The following GRID1 variants were observed in gnomAD, a reference collection of about 807,000 sequenced individuals.
GRID1 encodes glutamate ionotropic receptor delta type subunit 1.
Under a neutral mutation model 98.0 loss-of-function variants are expected in GRID1, and 28 were observed. The observed-to-expected ratio is 0.29, with a 90% CI of 0.21 to 0.39. The LOEUF is 0.39. GRID1 is among the 10% of genes least tolerant of loss of function. GRID1 has a pLI of 1.00. For synonymous variants in GRID1, 553 were observed against 538.5 expected, an observed-to-expected ratio of 1.03 and a Z score of -0.37; for missense variants, 1,111 against 1,340.5, an observed-to-expected ratio of 0.83 and a Z score of 2.67.
chr10:86,125,991 G>T (rs995426872), intron 4 of GRID1, among the ~76,000 whole-genome samples: 4 of 152,154 alleles, frequency 2.6e-5, no homozygotes, highest in Admixed American at 6.5e-5. Flanking sequence ...GGAGTCAAAA[G>T]TTATACACAG....
intron 8 of GRID1, among the ~76,000 whole-genome samples, chr10:85,773,379 CA>C (rs1268521864): frequency 6.6e-6 from 1 of 152,186 alleles, no homozygotes; most frequent in Non-Finnish European, 1.5e-5. Context: ...ACTGAATGGG[CA>C]AAAACTGGAA....
intron 12 of GRID1, among the ~76,000 whole-genome samples, chr10:85,653,594 C>T (rs1840856028): frequency 6.6e-6 from 1 of 152,152 alleles, no homozygotes; most frequent in South Asian, 2.1e-4. Flanking sequence ...ACTGTCTCCG[C>T]CAAAACTCAT....
chr10:85,740,759 T>C (rs1841934677), intron 8 of GRID1, among the ~76,000 whole-genome samples: 1 of 95,596 alleles, frequency 1.0e-5, no homozygotes, highest in Admixed American at 9.9e-5. Flanking sequence ...CACTGTACTT[T>C]TTTTTTTTTT....
chr10:86,068,100 A>G (rs1356230642), intron 4 of GRID1, among the ~76,000 whole-genome samples: 1 of 152,184 alleles, frequency 6.6e-6, no homozygotes. Context: ...AACGTTCCTC[A>G]GCAAACTTGT....
At chr10:85,656,396 T>G (rs1403421528) in intron 12 of GRID1, among the ~76,000 whole-genome samples, 2 of 152,212 alleles carry the variant, frequency 1.3e-5, no homozygotes, top group Non-Finnish European at 1.5e-5. Context: ...ATCCCTGGGT[T>G]GCAGGACTTT....
chr10:85,722,569 T>C (rs906790117), intron 12 of GRID1, among the ~76,000 whole-genome samples: 1 of 152,184 alleles, frequency 6.6e-6, no homozygotes, highest in African/African-American at 2.4e-5. Flanking sequence ...GCATGAAATA[T>C]GTTTTCTACT....
intron 4 of GRID1, among the ~76,000 whole-genome samples, chr10:86,046,861 CAAAAAAAA>C (rs199526669): frequency 7.4e-5 from 8 of 107,660 alleles, no homozygotes; most frequent in South Asian, 3.1e-4. Context: ...AAGCCCATTT[CAAAAAAAA>C]AAAAAAAAAA....
chr10:85,982,992 C>T (rs1431327580), intron 4 of GRID1, among the ~76,000 whole-genome samples: 1 of 152,238 alleles, frequency 6.6e-6, no homozygotes, highest in Non-Finnish European at 1.5e-5. Context: ...ACCTACATGG[C>T]ATTTCCTCTC....
chr10:86,181,423 A>T (rs1373293795), intron 3 of GRID1, among the ~76,000 whole-genome samples: 1 of 152,098 alleles, frequency 6.6e-6, no homozygotes, highest in Non-Finnish European at 1.5e-5. Flanking sequence ...ACTAACATGA[A>T]CCCAGAGAGG....
rs945779280 is a variant in GRID1, at chr10:85,648,247, G to C, written c.1998-850C>G. Among the ~76,000 whole-genome samples, 25 of 152,122 alleles carry C rather than the reference G, an allele frequency of 1.6e-4. 1 individual carries two copies. Among genetic ancestry groups the C allele is most frequent in the Non-Finnish European group, 3.5e-4 (24 of 68,028 alleles). On this transcript the variant is annotated intron_variant, in intron 12 of 15. Transcript: ENST00000327946. The stretch of plus-strand genomic sequence containing the variant: ...GCCCAAGAGCAGACTTCTGAGCTAG[G>C]GGCAGAGGAGGAGACTCCTCTGGGG...
At chr10:85,964,829 G>A (rs983207195) in intron 4 of GRID1, among the ~76,000 whole-genome samples, 1 of 152,056 alleles carries the variant, frequency 6.6e-6, no homozygotes. Flanking sequence ...CACAGCAAAA[G>A]AAACTATCAT....
At chr10:85,902,636 G>A (rs1021386240) in intron 5 of GRID1, among the ~76,000 whole-genome samples, 4 of 152,300 alleles carry the variant, frequency 2.6e-5, no homozygotes, top group African/African-American at 7.2e-5. Context: ...GGGGGGAGCC[G>A]TGTGGCATCG....
chr10:86,268,004 C>A (rs772993871), intron 2 of GRID1, among the ~76,000 whole-genome samples: 8 of 152,230 alleles, frequency 5.3e-5, no homozygotes, highest in Non-Finnish European at 1.2e-4. Context: ...CAGCCCGGTG[C>A]TCGCCTGTGT....
chr10:85,924,223 G>C (rs1467210589), intron 4 of GRID1, among the ~76,000 whole-genome samples: 2 of 152,214 alleles, frequency 1.3e-5, no homozygotes, highest in African/African-American at 4.8e-5. Context: ...CCTTTGCTTT[G>C]CATGGTGCAT....
At chr10:86,234,195 C>A (rs890105465) in intron 2 of GRID1, among the ~76,000 whole-genome samples, 3 of 152,202 alleles carry the variant, frequency 2.0e-5, no homozygotes, top group African/African-American at 7.2e-5. Context: ...CTCCATCCCC[C>A]TTTTCCTTCC....
chr10:86,138,778 TG>T, intron 4 of GRID1, 40 bp downstream of exon 4: 1 of 1,524,624 alleles, frequency 6.6e-7, no homozygotes, highest in African/African-American at 1.4e-5. Flanking sequence ...TGCAGAGCCC[TG>T]GGCACCAGGC....
At chr10:86,167,383 C>T (rs1028735605) in intron 3 of GRID1, among the ~76,000 whole-genome samples, 1 of 152,136 alleles carries the variant, frequency 6.6e-6, no homozygotes, top group Admixed American at 6.5e-5. Flanking sequence ...CGAGCTGGTC[C>T]CAGAATATGT....
chr10:85,601,962 T>C lies in GRID1; in HGVS notation c.*311A>G, dbSNP rs1265011044. The C allele has an allele frequency of 3.7e-6, 1 of 268,498 alleles. No individual in the cohort carries two copies. The highest frequency in any genetic ancestry group is 2.2e-5 in the African/African-American group (1 of 45,496). 16.6% of individuals were successfully genotyped at this position (268,498 alleles called of 1,614,324 possible). On this transcript the variant is annotated 3_prime_UTR_variant, in exon 16 of 16. Coordinates refer to ENST00000327946, the MANE Select transcript of GRID1 (RefSeq NM_017551.3). ...TCCTGCCCTCAGAAAGGCCCAGGAA[T>C]GGGGGGGCTCCTTTGGCACTTCAGA...
chr10:85,956,514 C>T (rs532591384), intron 4 of GRID1, among the ~76,000 whole-genome samples: 7 of 152,166 alleles, frequency 4.6e-5, no homozygotes, highest in Non-Finnish European at 7.4e-5. Flanking sequence ...TTTCTCTTTT[C>T]AAATGGGGCA....
Sources: gnomAD v4.1 joint callset for allele counts (sites outside exome capture counted in the v4.1 genomes callset) on GRCh38, gnomAD v4.1.1 for gene constraint, MANE v1.5 for transcripts, NCBI Gene and HGNC (gene_info 2026-07-23, HGNC 2026-07-21) for gene names.